Variants in NBEA observed in about 807,000 individuals in gnomAD.
NBEA encodes lysosomal-trafficking regulator 2.
Under a neutral mutation model 343.4 loss-of-function variants are expected in NBEA, and 44 were observed. That is an observed-to-expected ratio of 0.13 (90% CI 0.10 to 0.16). The LOEUF (loss-of-function observed/expected upper bound fraction) is 0.16. Among genes scored for constraint, NBEA ranks in the 10% least tolerant of loss-of-function variants. The pLI, the probability that NBEA is intolerant of heterozygous loss-of-function variation, is 1.00. For synonymous variants in NBEA, 1,175 were observed against 1,238.7 expected (o/e 0.95, Z 1.08); for missense variants, 2,555 against 3,631.3 (o/e 0.70, Z 7.62).
At chr13:35,567,822 G>T (rs935630060) in intron 45 of NBEA, among the ~76,000 whole-genome samples, 5 of 152,172 alleles carry the variant, frequency 3.3e-5, no homozygotes. Context: ...TAATTGACAA[G>T]AGCAGCATAA....
At chr13:34,964,424 T>C (rs1229395088) in intron 1 of NBEA, among the ~76,000 whole-genome samples, 1 of 151,640 alleles carries the variant, frequency 6.6e-6, no homozygotes, top group Non-Finnish European at 1.5e-5. Context: ...TGACATTTTA[T>C]TTTTTCTCAT....
At chr13:35,411,575 ACCTCC>A (rs2043587827) in intron 38 of NBEA, among the ~76,000 whole-genome samples, 2 of 151,432 alleles carry the variant, frequency 1.3e-5, no homozygotes, top group South Asian at 4.2e-4. Context: ...CTCCTGCCTC[ACCTCC>A]TGAATAGCTG....
At chr13:35,284,646 T>C (rs2152814076) in intron 34 of NBEA, among the ~76,000 whole-genome samples, 1 of 152,306 alleles carries the variant, frequency 6.6e-6, no homozygotes, top group Non-Finnish European at 1.5e-5. Flanking sequence ...TTTCAAAGGA[T>C]GTTTCATGTC....
chr13:35,471,186 G>C (rs985162037), intron 40 of NBEA, among the ~76,000 whole-genome samples: 1 of 152,170 alleles, frequency 6.6e-6, no homozygotes, highest in African/African-American at 2.4e-5. Flanking sequence ...CCGCAGCCTC[G>C]GGAACGGCCC....
At chr13:35,252,250 C>A (rs2152788927) in intron 34 of NBEA, among the ~76,000 whole-genome samples, 1 of 152,158 alleles carries the variant, frequency 6.6e-6, no homozygotes, top group East Asian at 1.9e-4. Flanking sequence ...GGGGAAGAAC[C>A]CCTTATGAAA....
At chr13:35,352,702 T>C (rs2152865965) in intron 38 of NBEA, among the ~76,000 whole-genome samples, 1 of 152,222 alleles carries the variant, frequency 6.6e-6, no homozygotes, top group Non-Finnish European at 1.5e-5. Flanking sequence ...TATATCATTC[T>C]TTTTTATACA....
rs781613519 is a variant in NBEA, at chr13:35,472,478, C to T, written c.6527C>T (p.Thr2176Ile). 4 of 1,613,950 alleles carry T rather than the reference C, an allele frequency of 2.5e-6. No homozygotes were observed. Among genetic ancestry groups the T allele is most frequent in the Non-Finnish European group, 3.4e-6 (4 of 1,179,884 alleles). The change falls in exon 41 of 59, where the codon ACA becomes ATA. Residue 2176 changes from threonine (T) to isoleucine (I), a missense_variant. Coordinates refer to ENST00000379939, the MANE Select transcript of NBEA (RefSeq NM_001385012.1). ...VAKGTLSITT[T>I]EIYFEVDEDD... The stretch of plus-strand genomic sequence containing the variant: ...AAGGGGACTCTCTCCATCACCACGA[C>T]AGAAATCTACTTCGAGGTAGATGAG...
intron 1 of NBEA, among the ~76,000 whole-genome samples, chr13:34,992,238 G>GTGTATA (rs775136249): frequency 2.9e-3 from 350 of 122,090 alleles, no homozygotes; most frequent in African/African-American, 6.1e-3. Context: ...GTGTGTGTGT[G>GTGTATA]TATATATATA....
At chr13:35,142,179 G>C in intron 17 of NBEA, 90 bp from the exon 18 acceptor site, 1 of 702,900 alleles carries the variant, frequency 1.4e-6, no homozygotes, top group Non-Finnish European at 2.4e-6. Context: ...TTCTGTATCT[G>C]CTTATAAATT....
At chr13:35,284,508 T>A (rs2035289548) in intron 34 of NBEA, among the ~76,000 whole-genome samples, 1 of 152,168 alleles carries the variant, frequency 6.6e-6, no homozygotes, top group Non-Finnish European at 1.5e-5. Context: ...TAATACAGTT[T>A]TAAAATAAAA....
At chr13:35,313,407 CA>C (rs2037500905) in intron 36 of NBEA, among the ~76,000 whole-genome samples, 1 of 152,118 alleles carries the variant, frequency 6.6e-6, no homozygotes, top group African/African-American at 2.4e-5. Flanking sequence ...ATGTAGTTAG[CA>C]TGCTAATGAA....
chr13:35,615,757 G>A (rs7988705), intron 48 of NBEA, among the ~76,000 whole-genome samples: 34,686 of 152,068 alleles, frequency 0.23, 4,166 homozygotes, highest in African/African-American at 0.25. Context: ...GAGCCGTGGA[G>A]GAGAGGAGAA....
At chr13:35,353,572 G>T (rs112717564) in intron 38 of NBEA, among the ~76,000 whole-genome samples, 5 of 152,200 alleles carry the variant, frequency 3.3e-5, no homozygotes, top group African/African-American at 1.2e-4. Context: ...ATTATAACAT[G>T]TGTCTTTAAA....
intron 1 of NBEA, among the ~76,000 whole-genome samples, chr13:34,996,577 C>T (rs2060948893): frequency 6.6e-6 from 1 of 151,984 alleles, no homozygotes; most frequent in Non-Finnish European, 1.5e-5. Flanking sequence ...TTACATCTAT[C>T]TATTGAGTGG....
At chr13:35,216,476 C>T (rs1359157989) in intron 33 of NBEA, among the ~76,000 whole-genome samples, 1 of 151,884 alleles carries the variant, frequency 6.6e-6, no homozygotes, top group Non-Finnish European at 1.5e-5. Flanking sequence ...TTTCCCAGCC[C>T]CTCTCTTGGA....
intron 1 of NBEA, among the ~76,000 whole-genome samples, chr13:34,969,852 A>T (rs1389670797): frequency 1.3e-5 from 2 of 152,050 alleles, no homozygotes; most frequent in Non-Finnish European, 2.9e-5. Flanking sequence ...TGCTGCAGTG[A>T]ACATATGCAT....
intron 48 of NBEA, among the ~76,000 whole-genome samples, chr13:35,607,870 C>T (rs1009320743): frequency 6.6e-5 from 10 of 152,062 alleles, no homozygotes; most frequent in African/African-American, 2.4e-4. Flanking sequence ...AGCATCTTCC[C>T]CGATTTTTCC....
chr13:35,085,717 T>C (rs886370745), intron 10 of NBEA, among the ~76,000 whole-genome samples: 4 of 152,246 alleles, frequency 2.6e-5, no homozygotes, highest in African/African-American at 9.6e-5. Context: ...AACATAGTGT[T>C]GGAAGTTCTG....
At chr13:35,312,667 T>G (rs1258720733) in intron 36 of NBEA, among the ~76,000 whole-genome samples, 1 of 152,200 alleles carries the variant, frequency 6.6e-6, no homozygotes, top group Admixed American at 6.5e-5. Flanking sequence ...CATGGACTAA[T>G]AGTAGCTATG....
Sources: allele counts gnomAD v4.1 joint callset (sites outside exome capture counted in the v4.1 genomes callset), GRCh38; gene constraint gnomAD v4.1.1; transcripts MANE v1.5; gene names NCBI Gene and HGNC (gene_info 2026-07-23, HGNC 2026-07-21).